The following PCLO variants were observed in gnomAD, a reference collection of about 807,000 sequenced individuals.
PCLO encodes piccolo presynaptic cytomatrix protein, also known as protein piccolo.
Under a neutral mutation model 427.5 loss-of-function variants are expected in PCLO, and 82 were observed. The observed-to-expected ratio is 0.19, with a 90% CI of 0.16 to 0.23. The LOEUF is 0.23. Among genes scored for constraint, PCLO ranks in the 10% least tolerant of loss-of-function variants. The probability of loss-of-function intolerance (pLI) is 1.00; values close to 1 mark genes in which losing one functional copy is unlikely to be tolerated. For synonymous variants in PCLO, 2,357 were observed against 2,155.4 expected (o/e 1.09, Z -2.59); for missense variants, 6,239 against 6,115.9 (o/e 1.02, Z -0.67).
intron 3 of PCLO, among the ~76,000 whole-genome samples, chr7:82,972,373 T>C (rs575285822): frequency 1.6e-4 from 24 of 152,166 alleles, no homozygotes; most frequent in Middle Eastern, 3.4e-3. Context: ...GCTGTAACTA[T>C]AGCAACAATC....
rs574049067 is a variant in PCLO at position 82,860,827 on chromosome 7, G to C, written c.13655-13580C>G. 4.6e-3 allele frequency among the ~76,000 whole-genome samples: 698 copies of C among 152,060 alleles called. 2 individuals carry two copies. The highest frequency in any genetic ancestry group is 7.7e-3 in the Non-Finnish European group (526 of 67,922). ...TAAAAAGTGGGGGGATGAAATTAAG[G>C]CATAGAGTTTTTATTAGTTTTCTTT... On this transcript the variant is annotated intron_variant, in intron 10 of 24. Transcript: ENST00000333891.
At chr7:83,121,732 C>A (rs916633565) in intron 3 of PCLO, among the ~76,000 whole-genome samples, 3 of 151,962 alleles carry the variant, frequency 2.0e-5, no homozygotes, top group African/African-American at 7.2e-5. Context: ...TATACTTAGA[C>A]AAATGTTATA....
intron 3 of PCLO, among the ~76,000 whole-genome samples, chr7:83,048,422 G>T (rs1336585769): frequency 6.6e-6 from 1 of 151,984 alleles, no homozygotes; most frequent in African/African-American, 2.4e-5. Flanking sequence ...AAACCACCAT[G>T]AATTAGATCA....
intron 10 of PCLO, 117 bp downstream of exon 10, chr7:82,879,210 TCACAACTAAC>T (rs201015835): frequency 0.011 from 7,266 of 681,476 alleles, 44 homozygotes; most frequent in Non-Finnish European, 0.014. Context: ...TACCAAAATT[TCACAACTAAC>T]CATAAGGAGA....
chr7:82,784,387 T>C (rs896000009), intron 22 of PCLO, among the ~76,000 whole-genome samples: 1 of 152,212 alleles, frequency 6.6e-6, no homozygotes, highest in Non-Finnish European at 1.5e-5. Flanking sequence ...CCTCATTTTC[T>C]TCAGTGATTA....
intron 3 of PCLO, among the ~76,000 whole-genome samples, chr7:83,013,733 G>A (rs1788141893): frequency 4.6e-5 from 7 of 152,282 alleles, no homozygotes; most frequent in Admixed American, 4.6e-4. Flanking sequence ...TTCTGAGACT[G>A]CTTTCTTAGA....
chr7:82,857,364 A>G (rs925055877), intron 10 of PCLO, among the ~76,000 whole-genome samples: 1 of 152,152 alleles, frequency 6.6e-6, no homozygotes, highest in Non-Finnish European at 1.5e-5. Context: ...TTACTGAATT[A>G]TTAATAATTT....
intron 22 of PCLO, among the ~76,000 whole-genome samples, chr7:82,791,431 G>A (rs1420048810): frequency 6.6e-6 from 1 of 152,124 alleles, no homozygotes; most frequent in African/African-American, 2.4e-5. Context: ...ATCCACTTTG[G>A]ATGATAACAG....
At chr7:83,006,909 TA>T (rs1469619158) in intron 3 of PCLO, among the ~76,000 whole-genome samples, 1 of 151,542 alleles carries the variant, frequency 6.6e-6, no homozygotes, top group African/African-American at 2.4e-5. Flanking sequence ...CAGTCTCCCT[TA>T]TACTGGTATG....
chr7:82,821,401 G>A lies in PCLO; in HGVS notation c.14791+1094C>T, dbSNP rs964300280. 5 of 985,604 alleles carry A rather than the reference G, an allele frequency of 5.1e-6. No individual in the cohort carries two copies. The South Asian group carries it at 2.3e-4, about 46-fold the overall frequency. 61.1% of individuals were successfully genotyped at this position (985,604 alleles called of 1,614,324 possible). On this transcript the variant is annotated intron_variant, in intron 20 of 24. Transcript: ENST00000333891. ...AGTGCTCTTTTGCTCTATTTAAATA[G>A]GTTGTGTTTTCAAATGCCAAAATGA...
At chr7:82,777,393 G>GA (rs927519560) in intron 22 of PCLO, among the ~76,000 whole-genome samples, 2 of 151,638 alleles carry the variant, frequency 1.3e-5, no homozygotes, top group African/African-American at 2.4e-5. Flanking sequence ...CAGAGAACTA[G>GA]AAAAAAATAT....
intron 3 of PCLO, among the ~76,000 whole-genome samples, chr7:83,101,549 A>T (rs1418210198): frequency 6.6e-6 from 1 of 152,102 alleles, no homozygotes; most frequent in African/African-American, 2.4e-5. Context: ...TACTCCAAAA[A>T]CTGACTAGAA....
intron 10 of PCLO, among the ~76,000 whole-genome samples, chr7:82,861,234 CA>C (rs1792947492): frequency 6.6e-6 from 1 of 151,816 alleles, no homozygotes. Context: ...TAAAGACACA[CA>C]TAGACTGAAA....
At chr7:82,999,207 C>T (rs1787712971) in intron 3 of PCLO, among the ~76,000 whole-genome samples, 1 of 139,412 alleles carries the variant, frequency 7.2e-6, no homozygotes, top group African/African-American at 2.6e-5. Flanking sequence ...TGTGGGATAC[C>T]TATTAAAGAT....
At chr7:83,023,391 T>G (rs1214248455) in intron 3 of PCLO, among the ~76,000 whole-genome samples, 1 of 152,214 alleles carries the variant, frequency 6.6e-6, no homozygotes, top group African/African-American at 2.4e-5. Context: ...GGTTAAGACA[T>G]GTTTAGAATT....
intron 10 of PCLO, among the ~76,000 whole-genome samples, chr7:82,849,229 T>C (rs376874803): frequency 1.7e-4 from 26 of 152,104 alleles, no homozygotes; most frequent in African/African-American, 6.3e-4. Context: ...AAAACAATTA[T>C]CCTGTAAAAT....
chr7:82,777,567 C>T (rs548665312), intron 22 of PCLO, among the ~76,000 whole-genome samples: 6 of 152,030 alleles, frequency 3.9e-5, no homozygotes, highest in Admixed American at 2.6e-4. Context: ...CCAATGGAAC[C>T]GAATAGAGAG....
intron 3 of PCLO, among the ~76,000 whole-genome samples, chr7:83,112,249 G>C (rs1482870858): frequency 6.6e-6 from 1 of 151,968 alleles, no homozygotes; most frequent in African/African-American, 2.4e-5. Flanking sequence ...GTAGAGATAG[G>C]GTTTCTCCAT....
intron 10 of PCLO, among the ~76,000 whole-genome samples, chr7:82,867,475 C>A (rs1359327746): frequency 1.3e-5 from 2 of 152,140 alleles, no homozygotes; most frequent in African/African-American, 4.8e-5. Flanking sequence ...TGGCTGTCTA[C>A]AAACCACTGG....
Sources: gnomAD v4.1 joint callset for allele counts (sites outside exome capture counted in the v4.1 genomes callset) on GRCh38, gnomAD v4.1.1 for gene constraint, MANE v1.5 for transcripts, NCBI Gene and HGNC (gene_info 2026-07-23, HGNC 2026-07-21) for gene names.